MCCC1: variants seen among roughly 807,000 people sequenced by gnomAD.
MCCC1 encodes the protein methylcrotonyl-CoA carboxylase subunit 1.
A neutral mutation model predicts 83.8 loss-of-function variants in MCCC1; 64 were observed. That is an observed-to-expected ratio of 0.76 (90% CI 0.62 to 0.94). The LOEUF is 0.94. Among genes scored for constraint, MCCC1 ranks in the 40% least tolerant of loss-of-function variants. The pLI is 0.00. For missense variants in MCCC1, 807 were observed against 904.7 expected (o/e 0.89, Z 1.39); for synonymous variants, 322 against 315.4 (o/e 1.02, Z -0.22).
chr3:183,017,498 C>A (rs1711748382), intron 17 of MCCC1, 161 bp from the exon 18 acceptor site: 7 of 682,400 alleles, frequency 1.0e-5, no homozygotes, highest in East Asian at 5.5e-5. Context: ...AGAAAAAAAA[C>A]AACACAGAGG....
chr3:183,040,556 C>CCAAAAA (rs370260744), intron 11 of MCCC1, among the ~76,000 whole-genome samples: 1 of 112,592 alleles, frequency 8.9e-6, no homozygotes, highest in Non-Finnish European at 1.7e-5. Flanking sequence ...ACTAAAAATA[C>CCAAAAA]AAAAAAAAAA....
chr3:183,099,405 C>T lies in MCCC1; in HGVS notation c.36G>A (p.Val12=), dbSNP rs1334865931. 3.7e-6 allele frequency: 6 copies of T among 1,607,006 alleles called. No homozygotes were observed. The African/African-American group carries it at 4.0e-5, about 11-fold the overall frequency. ...AAASAVSVLL[V]AAERNRWHRL... ...GATGCCACCGGTTCCTCTCCGCCGC[C>T]ACCAGCAGCACCGACACCGCAGAGG... Residue 12 remains valine, a synonymous_variant, in exon 1 of 19, where the codon GTG becomes GTA. Transcript: ENST00000265594.
chr3:183,052,272 T>G (rs1715037265), intron 8 of MCCC1, 32 bp from the exon 9 acceptor site: 1 of 1,579,364 alleles, frequency 6.3e-7, no homozygotes, highest in Admixed American at 1.7e-5. Flanking sequence ...AAATCTCCAT[T>G]AGTAGCTTGC....
intron 1 of MCCC1, among the ~76,000 whole-genome samples, chr3:183,097,551 C>A (rs918888376): frequency 6.6e-6 from 1 of 152,176 alleles, no homozygotes; most frequent in African/African-American, 2.4e-5. Flanking sequence ...TGTGCCACTA[C>A]GCCTGGCTAA....
At chr3:183,080,855 G>A (rs765696729) in intron 4 of MCCC1, among the ~76,000 whole-genome samples, 5 of 152,212 alleles carry the variant, frequency 3.3e-5, no homozygotes, top group Non-Finnish European at 5.9e-5. Context: ...GAGAGAGCTT[G>A]AGCAGGGAAA....
chr3:183,058,403 C>T (rs537710648), intron 7 of MCCC1, among the ~76,000 whole-genome samples: 12 of 152,088 alleles, frequency 7.9e-5, no homozygotes, highest in Non-Finnish European at 1.8e-4. Flanking sequence ...ACTGCTTGAA[C>T]CCAGGAGTTC....
intron 8 of MCCC1, among the ~76,000 whole-genome samples, chr3:183,055,353 T>C (rs1160803963): frequency 6.6e-6 from 1 of 151,940 alleles, no homozygotes; most frequent in African/African-American, 2.4e-5. Flanking sequence ...GAGGATGCAG[T>C]GAGCTGAGAT....
chr3:183,112,495 C>G (rs1240474161), intron 1 of MCCC1, among the ~76,000 whole-genome samples: 2 of 152,166 alleles, frequency 1.3e-5, no homozygotes, highest in East Asian at 3.8e-4. Flanking sequence ...TTTTTCTCCC[C>G]TGGTTTAAAA....
rs575598558 is a variant in MCCC1 at position 183,031,247 on chromosome 3, T to G, written c.1681+2744A>C. Among the ~76,000 whole-genome samples the G allele has an allele frequency of 1.2e-3, 183 of 152,298 alleles. 1 individual carries two copies. Among genetic ancestry groups the G allele is most frequent in the African/African-American group, 4.3e-3 (180 of 41,564 alleles). On this transcript the variant is annotated intron_variant, in intron 14 of 18. Transcript: ENST00000265594. ...ACACTAACAATAACACTAATCTCAT[T>G]GGCCTTTTCTGAAAATGCAAATGAA...
chr3:183,093,094 A>G, intron 2 of MCCC1, among the ~76,000 whole-genome samples: 1 of 152,074 alleles, frequency 6.6e-6, no homozygotes, highest in Non-Finnish European at 1.5e-5. Flanking sequence ...GGGTTTCACC[A>G]CATTGGCCAG....
Position 183,093,183 on chromosome 3 carries a change from C to G in MCCC1, c.137-638G>C, listed in dbSNP as rs551646940. Among the ~76,000 whole-genome samples, 7 of 152,248 alleles carry G rather than the reference C, an allele frequency of 4.6e-5. No individual in the cohort carries two copies. In the South Asian group the frequency reaches 1.2e-3, roughly 27 times the overall value. The stretch of plus-strand genomic sequence containing the variant: ...TGCTGGGATTACAGGTGTGAGCCAC[C>G]ACACCCGGCCAATACTAACTAATCT... On this transcript the variant is annotated intron_variant, in intron 2 of 18. Transcript: ENST00000265594.
chr3:183,115,720 TG>T (rs780943964), exon 1 of MCCC1: 1 of 152,020 alleles, frequency 6.6e-6, no homozygotes, highest in Non-Finnish European at 1.5e-5. Flanking sequence ...GGCATGGTGT[TG>T]GGCGCCTGTA....
chr3:183,062,089 C>T (rs1003191032), intron 7 of MCCC1, among the ~76,000 whole-genome samples: 16 of 152,174 alleles, frequency 1.1e-4, no homozygotes, highest in Admixed American at 4.6e-4. Flanking sequence ...CCTTCACCTC[C>T]TGCCATGATT....
chr3:183,092,829 A>G (rs1368281935), intron 2 of MCCC1, among the ~76,000 whole-genome samples: 1 of 152,220 alleles, frequency 6.6e-6, no homozygotes, highest in Non-Finnish European at 1.5e-5. Flanking sequence ...TATGCCAAGG[A>G]TCAAATTATA....
chr3:183,021,392 G>A (rs1712152412), intron 16 of MCCC1, among the ~76,000 whole-genome samples: 1 of 152,104 alleles, frequency 6.6e-6, no homozygotes, highest in African/African-American at 2.4e-5. Flanking sequence ...CCTGGCTAAT[G>A]TTTAAAATTT....
At chr3:183,088,185 T>TTTG (rs1162144091) in intron 3 of MCCC1, among the ~76,000 whole-genome samples, 15 of 150,458 alleles carry the variant, frequency 1.0e-4, no homozygotes, top group African/African-American at 3.4e-4. Context: ...TTTTAAATGT[T>TTTG]TTGTTGTTGT....
At chr3:183,036,537 C>CTTTT (rs11411314) in intron 13 of MCCC1, among the ~76,000 whole-genome samples, 40 of 117,658 alleles carry the variant, frequency 3.4e-4, no homozygotes, top group African/African-American at 1.1e-3. Context: ...GATCCATTTC[C>CTTTT]TTTTTTTTTT....
chr3:183,049,661 T>C (rs963322118), intron 9 of MCCC1, among the ~76,000 whole-genome samples: 1 of 151,584 alleles, frequency 6.6e-6, no homozygotes, highest in African/African-American at 2.4e-5. Context: ...AAAATACAAA[T>C]TGCTAGTAAC....
chr3:183,023,587 A>G (rs1712336733), intron 15 of MCCC1, among the ~76,000 whole-genome samples: 2 of 152,226 alleles, frequency 1.3e-5, no homozygotes, highest in Admixed American at 1.3e-4. Context: ...ATTAATATGA[A>G]TTATAACCCT....
Sources: gnomAD v4.1 joint callset for allele counts (sites outside exome capture counted in the v4.1 genomes callset) on GRCh38, gnomAD v4.1.1 for gene constraint, MANE v1.5 for transcripts, NCBI Gene and HGNC (gene_info 2026-07-23, HGNC 2026-07-21) for gene names.